Variants in DIPK2A observed in about 807,000 individuals in gnomAD.
The protein encoded by DIPK2A is divergent protein kinase domain 2A, also known as Golgi Protein of 49 kDa.
In DIPK2A, 27 loss-of-function variants were observed where a neutral mutation model predicts 39.0. The observed-to-expected ratio is 0.69, with a 90% CI of 0.51 to 0.96. The LOEUF (loss-of-function observed/expected upper bound fraction) is 0.96. DIPK2A is among the 40% of genes least tolerant of loss of function. The pLI is 0.00. For missense variants in DIPK2A, 528 were observed against 571.3 expected, an observed-to-expected ratio of 0.92 and a Z score of 0.77; for synonymous variants, 298 against 240.8, an observed-to-expected ratio of 1.24 and a Z score of -2.20.
At position 143,972,292 on chromosome 3, in the gene DIPK2A, C is replaced by CG; in HGVS notation, c.-36dup. On this transcript the variant is annotated 5_prime_UTR_variant, in exon 1 of 3. Coordinates refer to ENST00000315691, the MANE Select transcript of DIPK2A (RefSeq NM_173552.5). ...GGGTCTTGGCGCGGCGGGGGCGCCC[C>CG]GGGGGTGCCCTCGCCCTCCCGTTGC... is the stretch of plus-strand genomic sequence containing the variant. 2.2e-6 allele frequency: 3 copies of CG among 1,346,460 alleles called. No homozygotes were observed. The highest frequency in any genetic ancestry group is 3.0e-5 in the East Asian group (1 of 33,600). The allele number at this position is 1,346,460 out of a possible 1,614,324, so 83.4% of individuals were successfully genotyped here. A position where few individuals can be genotyped will look rare whatever the true frequency, so the allele number is the denominator to read the frequency against.
At position 143,972,380 on chromosome 3, in the gene DIPK2A, G is replaced by T. The variant is rs577615345; in HGVS notation, c.48G>T (p.Leu16=). The change falls in exon 1 of 3, where the codon CTG becomes CTT. Residue 16 remains leucine (L), a synonymous_variant. Coordinates refer to ENST00000315691, the MANE Select transcript of DIPK2A (RefSeq NM_173552.5). The part of the protein sequence containing the change: ...PPKLGRLSRS[L]KLAALGSLLV... The stretch of plus-strand genomic sequence containing the variant: ...AGCTGGGCCGCCTGTCCCGCTCGCT[G>T]AAGCTGGCGGCGCTGGGCAGCCTGT... The T allele has an allele frequency of 4.2e-6, 6 of 1,419,988 alleles. No individual in the cohort carries two copies. The African/African-American group carries it at 9.0e-5, about 21-fold the overall frequency. 88.0% of individuals were successfully genotyped at this position (1,419,988 alleles called of 1,614,324 possible). A position where few individuals can be genotyped will look rare whatever the true frequency, so the allele number is the denominator to read the frequency against.
chr3:143,973,246 G>A, intron 1 of DIPK2A: 1 of 1,172,718 alleles, frequency 8.5e-7, no homozygotes, highest in East Asian at 2.6e-5. Flanking sequence ...ATCTTTCAAC[G>A]CCAGAGGGAG....
chr3:143,977,832 G>A (rs1367055762), intron 1 of DIPK2A, among the ~76,000 whole-genome samples: 1 of 152,012 alleles, frequency 6.6e-6, no homozygotes, highest in Non-Finnish European at 1.5e-5. Flanking sequence ...GTCCAAAAAG[G>A]GGGTGGGGAC....
chr3:143,991,695 A>G lies in DIPK2A; in HGVS notation c.*1854A>G, dbSNP rs2087991655. On this transcript the variant is annotated 3_prime_UTR_variant, in exon 3 of 3. Transcript: ENST00000315691. Reference sequence around the variant, plus strand: ...AAGTGCTTGGAATTTTACTAAACTGACTTTTTTGCAACTTTGGGAGATTTT... The same window carrying G: ...AAGTGCTTGGAATTTTACTAAACTGGCTTTTTTGCAACTTTGGGAGATTTT... The G allele has an allele frequency of 6.6e-6, 1 of 152,518 alleles. No individual in the cohort carries two copies. Among genetic ancestry groups the G allele is most frequent in the African/African-American group, 2.4e-5 (1 of 41,446 alleles). 9.4% of individuals were successfully genotyped at this position (152,518 alleles called of 1,614,324 possible). A position where few individuals can be genotyped will look rare whatever the true frequency, so the allele number is the denominator to read the frequency against.
In DIPK2A at chr3:143,991,946, G is replaced by A. The variant is rs1024457649; in HGVS notation, c.*2105G>A. ...CAGAAAGTGAGAAAACACTGCCAGC[G>A]GTGATTGCTACTTGAGGTAGTTTTT... On this transcript the variant is annotated 3_prime_UTR_variant, in exon 3 of 3. Coordinates refer to ENST00000315691, the MANE Select transcript of DIPK2A (RefSeq NM_173552.5). 7.9e-5 allele frequency: 12 copies of A among 152,272 alleles called. No individual in the cohort carries two copies. Among genetic ancestry groups the A allele is most frequent in the African/African-American group, 2.4e-4 (10 of 41,430 alleles). The allele number at this position is 152,272 out of a possible 1,614,324, so 9.4% of individuals were successfully genotyped here. A position where few individuals can be genotyped will look rare whatever the true frequency, so the allele number is the denominator to read the frequency against.
In DIPK2A at chr3:143,972,265, C is replaced by T; in HGVS notation, c.-68C>T. ...GCCCGGGGTTCCTGCCGGTAGCTCT[C>T]CGGGTCTTGGCGCGGCGGGGGCGCC... On this transcript the variant is annotated 5_prime_UTR_variant, in exon 1 of 3. Coordinates refer to ENST00000315691, the MANE Select transcript of DIPK2A (RefSeq NM_173552.5). The T allele has an allele frequency of 3.8e-6, 5 of 1,322,162 alleles. No homozygotes were observed. The highest frequency in any genetic ancestry group is 4.8e-6 in the Non-Finnish European group (5 of 1,034,906). 81.9% of individuals were successfully genotyped at this position (1,322,162 alleles called of 1,614,324 possible).
At chr3:143,974,273 T>C (rs890017328) in intron 1 of DIPK2A, among the ~76,000 whole-genome samples, 2 of 152,192 alleles carry the variant, frequency 1.3e-5, no homozygotes, top group African/African-American at 4.8e-5. Context: ...AACACAAATA[T>C]TTGGCTTCAG....
At chr3:143,983,939 T>C (rs2087862513) in intron 1 of DIPK2A, among the ~76,000 whole-genome samples, 1 of 152,248 alleles carries the variant, frequency 6.6e-6, no homozygotes, top group South Asian at 2.1e-4. Context: ...TCACTTCCAT[T>C]AATTATCTTA....
intron 1 of DIPK2A, among the ~76,000 whole-genome samples, chr3:143,974,156 A>G (rs1255754085): frequency 6.6e-6 from 1 of 151,364 alleles, no homozygotes; most frequent in Non-Finnish European, 1.5e-5. Flanking sequence ...ATGCATGAAT[A>G]GGAAAGTGCA....
Position 143,990,089 on chromosome 3 carries a change from C to A in DIPK2A, c.*248C>A. The A allele has an allele frequency of 2.2e-6, 1 of 456,652 alleles. No individual in the cohort carries two copies. Among genetic ancestry groups the A allele is most frequent in the Non-Finnish European group, 3.9e-6 (1 of 255,694 alleles). 28.3% of individuals were successfully genotyped at this position (456,652 alleles called of 1,614,324 possible). Reference sequence around the variant, plus strand: ...GCTGTCATCAGCTGCTCCCCACTACCCCGGAATGCTTGAGTGGATTAATGA... The same window carrying A: ...GCTGTCATCAGCTGCTCCCCACTACACCGGAATGCTTGAGTGGATTAATGA... On this transcript the variant is annotated 3_prime_UTR_variant, in exon 3 of 3. Transcript: ENST00000315691.
intron 1 of DIPK2A, among the ~76,000 whole-genome samples, chr3:143,982,685 A>G (rs1206207679): frequency 2.0e-5 from 3 of 152,224 alleles, no homozygotes; most frequent in Admixed American, 6.5e-5. Flanking sequence ...AAGAAACAGC[A>G]TCAACTAATG....
chr3:143,989,039 C>G (rs983612430), intron 2 of DIPK2A, among the ~76,000 whole-genome samples: 4 of 152,204 alleles, frequency 2.6e-5, no homozygotes, highest in Non-Finnish European at 4.4e-5. Flanking sequence ...CTTATTGCTT[C>G]GTGAACCAAA....
Position 143,972,311 on chromosome 3 carries a change from C to A in DIPK2A, c.-22C>A. 1 of 1,352,418 alleles carries A rather than the reference C, an allele frequency of 7.4e-7. No individual in the cohort carries two copies. The highest frequency in any genetic ancestry group is 1.9e-5 in the South Asian group (1 of 52,992). 83.8% of individuals were successfully genotyped at this position (1,352,418 alleles called of 1,614,324 possible). A position where few individuals can be genotyped will look rare whatever the true frequency, so the allele number is the denominator to read the frequency against. On this transcript the variant is annotated 5_prime_UTR_variant, in exon 1 of 3. Coordinates refer to ENST00000315691, the MANE Select transcript of DIPK2A (RefSeq NM_173552.5). ...GCGCCCCGGGGGTGCCCTCGCCCTCCCGTTGCGGGCGGGCGGGCGGTATGT... is the reference window on the plus strand; with the variant it reads ...GCGCCCCGGGGGTGCCCTCGCCCTCACGTTGCGGGCGGGCGGGCGGTATGT...
In DIPK2A at chr3:143,989,491, G is replaced by A. The variant is rs2087949113; in HGVS notation, c.962-19G>A. 6.4e-7 allele frequency: 1 copy of A among 1,562,416 alleles called. No individual in the cohort carries two copies. The highest frequency in any genetic ancestry group is 1.4e-5 in the African/African-American group (1 of 72,624). On this transcript the variant is annotated intron_variant, in intron 2 of 2. Coordinates refer to ENST00000315691, the MANE Select transcript of DIPK2A (RefSeq NM_173552.5). The stretch of plus-strand genomic sequence containing the variant: ...ATTTAAAAAATTTTTTTCTACTTCT[G>A]CTTTTCCTCCTTTCACAGATAAACC...
At chr3:143,978,646 A>ATAGATATATATATATC (rs1559854203) in intron 1 of DIPK2A, 1 of 40,042 alleles carries the variant, frequency 2.5e-5, no homozygotes, top group Non-Finnish European at 4.4e-5. Flanking sequence ...ATATCTATAT[A>ATAGATATATATATATC]TATATATATA....
intron 1 of DIPK2A, chr3:143,973,783 C>T (rs2087691663): frequency 3.4e-6 from 2 of 584,500 alleles, no homozygotes; most frequent in African/African-American, 3.8e-5. Context: ...TCGCCAGTTG[C>T]GTTGTTTGCT....
At chr3:143,976,530 G>A (rs1053410003) in intron 1 of DIPK2A, among the ~76,000 whole-genome samples, 1 of 109,970 alleles carries the variant, frequency 9.1e-6, no homozygotes, top group Admixed American at 8.8e-5. Context: ...CAGAAAGGGA[G>A]AGTGTGTGTG....
At chr3:143,984,718 A>T (rs75160031) in intron 1 of DIPK2A, among the ~76,000 whole-genome samples, 3,161 of 152,192 alleles carry the variant, frequency 0.021, 103 homozygotes, top group African/African-American at 0.071. Flanking sequence ...TAATCCTGCC[A>T]GTAGTTTTAA....
rs1031075516 is a variant in DIPK2A, at chr3:143,972,256, G to A, written c.-77G>A. The A allele has an allele frequency of 3.1e-6, 4 of 1,288,296 alleles. No homozygotes were observed. Among genetic ancestry groups the A allele is most frequent in the East Asian group, 3.0e-5 (1 of 33,166 alleles). The allele number at this position is 1,288,296 out of a possible 1,614,324, so 79.8% of individuals were successfully genotyped here. ...CCTTCTCTCGCCCGGGGTTCCTGCC[G>A]GTAGCTCTCCGGGTCTTGGCGCGGC... is the stretch of plus-strand genomic sequence containing the variant. On this transcript the variant is annotated 5_prime_UTR_variant, in exon 1 of 3. Coordinates refer to ENST00000315691, the MANE Select transcript of DIPK2A (RefSeq NM_173552.5).
Sources: allele counts gnomAD v4.1 joint callset (sites outside exome capture counted in the v4.1 genomes callset), GRCh38; gene constraint gnomAD v4.1.1; transcripts MANE v1.5; gene names NCBI Gene and HGNC (gene_info 2026-07-23, HGNC 2026-07-21).